SATB1: variants seen among roughly 807,000 people sequenced by gnomAD.
SATB1 encodes SATB homeobox 1, also known as DNA-binding protein SATB1.
SATB1 carries 11 observed loss-of-function variants against 86.9 expected under a neutral mutation model. The observed-to-expected ratio is 0.13, with a 90% CI of 0.08 to 0.21. The LOEUF is 0.21. SATB1 is among the 10% of genes least tolerant of loss of function. The pLI, the probability that SATB1 is intolerant of heterozygous loss-of-function variation, is 1.00. For missense variants in SATB1, 551 were observed against 937.6 expected (o/e 0.59, Z 5.39); for synonymous variants, 357 against 357.2 (o/e 1.00, Z 0.01).
intron 9 of SATB1, among the ~76,000 whole-genome samples, chr3:18,355,645 A>C (rs939085731): frequency 2.6e-5 from 4 of 151,940 alleles, no homozygotes; most frequent in Non-Finnish European, 5.9e-5. Flanking sequence ...TTGTTGCAAA[A>C]AGACAAAAAA....
chr3:18,408,071 C>T (rs1323334729), intron 5 of SATB1, among the ~76,000 whole-genome samples: 3 of 152,034 alleles, frequency 2.0e-5, no homozygotes, highest in Non-Finnish European at 2.9e-5. Context: ...CTTTTCTTAA[C>T]TTCCAACCTA....
intron 5 of SATB1, among the ~76,000 whole-genome samples, chr3:18,401,798 C>A (rs868573969): frequency 1.3e-5 from 2 of 152,226 alleles, no homozygotes; most frequent in Middle Eastern, 6.8e-3. Flanking sequence ...CCATAAAGCA[C>A]ATGTCTACTC....
At chr3:18,445,363 C>G (rs2125218096) in intron 1 of SATB1, 1 of 855,108 alleles carries the variant, frequency 1.2e-6, no homozygotes, top group Non-Finnish European at 1.4e-6. Flanking sequence ...GTGTGGGGGG[C>G]GGCGGGCCGG....
At chr3:18,351,603 A>G (rs970063590) in intron 10 of SATB1, 1 of 560,558 alleles carries the variant, frequency 1.8e-6, no homozygotes, top group South Asian at 2.3e-5. Context: ...CTTTACAGCA[A>G]CAGCGGTTGC....
At chr3:18,422,379 A>G (rs1698437283) in intron 1 of SATB1, among the ~76,000 whole-genome samples, 1 of 152,198 alleles carries the variant, frequency 6.6e-6, no homozygotes, top group East Asian at 1.9e-4. Flanking sequence ...TTAATCTGGA[A>G]GTTTAAAAGC....
At chr3:18,438,509 T>G (rs893635630) in intron 1 of SATB1, 1 of 152,242 alleles carries the variant, frequency 6.6e-6, no homozygotes, top group Non-Finnish European at 1.5e-5. Context: ...TCTGTCACTG[T>G]GGCTGGAGTC....
At chr3:18,369,083 TA>T (rs988826681) in intron 9 of SATB1, among the ~76,000 whole-genome samples, 160 of 151,534 alleles carry the variant, frequency 1.1e-3, no homozygotes, top group African/African-American at 3.7e-3. Context: ...CTCCATGAAA[TA>T]AAGTTCCTAA....
upstream of SATB1, among the ~76,000 whole-genome samples, chr3:18,439,609 G>T (rs1296399678): frequency 1.3e-5 from 2 of 152,100 alleles, no homozygotes; most frequent in Admixed American, 6.5e-5. Context: ...TTTTTCTTCA[G>T]TGTAGTGAAG....
At chr3:18,399,567 T>C (rs1459626668) in intron 5 of SATB1, among the ~76,000 whole-genome samples, 1 of 152,226 alleles carries the variant, frequency 6.6e-6, no homozygotes, top group African/African-American at 2.4e-5. Flanking sequence ...TATTCGTACA[T>C]GGAAAATAAT....
intron 5 of SATB1, among the ~76,000 whole-genome samples, chr3:18,397,578 T>C (rs945882027): frequency 5.9e-5 from 9 of 152,204 alleles, no homozygotes; most frequent in African/African-American, 2.2e-4. Flanking sequence ...ATTACTAGGC[T>C]GTCAAACTCA....
Position 18,369,714 on chromosome 3 carries a change from G to C in SATB1, c.1575+8456C>G, listed in dbSNP as rs1209829476. Among the ~76,000 whole-genome samples the C allele has an allele frequency of 3.3e-5, 5 of 152,230 alleles. No individual in the cohort carries two copies. In the South Asian group the frequency reaches 8.3e-4, roughly 25 times the overall value. ...GTGCCACATTAGCTGTAAGGGATGG[G>C]GGGGTGGGAGGAAAAAGGAGGAGGA... is the stretch of plus-strand genomic sequence containing the variant. On this transcript the variant is annotated intron_variant, in intron 9 of 10. Transcript: ENST00000338745.
chr3:18,347,099 A>C lies in SATB1; in HGVS notation c.*2071T>G, dbSNP rs1318519570. The C allele has an allele frequency of 8.7e-6, 1 of 114,988 alleles. No individual in the cohort carries two copies. Among genetic ancestry groups the C allele is most frequent in the Non-Finnish European group, 2.1e-5 (1 of 48,146 alleles). The allele number at this position is 114,988 out of a possible 1,614,324, so 7.1% of individuals were successfully genotyped here. On this transcript the variant is annotated 3_prime_UTR_variant, in exon 11 of 11. Coordinates refer to ENST00000338745, the MANE Select transcript of SATB1 (RefSeq NM_002971.6). ...TTTATTGAAAGTTTTCAATGATTCC[A>C]CTTCAGTTTCTAAAGTACAAGTTCA...
chr3:18,423,223 G>C (rs547767086), intron 1 of SATB1, among the ~76,000 whole-genome samples: 129 of 152,278 alleles, frequency 8.5e-4, no homozygotes, highest in African/African-American at 3.0e-3. Flanking sequence ...TTAGTGCAAT[G>C]TCTGGTTGCC....
chr3:18,422,657 C>A (rs965927491), intron 1 of SATB1, among the ~76,000 whole-genome samples: 8 of 152,194 alleles, frequency 5.3e-5, no homozygotes, highest in African/African-American at 1.7e-4. Context: ...CTCTTTATAA[C>A]GTTTCATGTG....
chr3:18,362,197 T>C (rs2125149089), intron 9 of SATB1, among the ~76,000 whole-genome samples: 1 of 152,170 alleles, frequency 6.6e-6, no homozygotes, highest in East Asian at 1.9e-4. Context: ...ATAATCTAAT[T>C]CTGATGGCCT....
rs533932527 is a variant in SATB1, at chr3:18,393,232, A to T, written c.1206+1230T>A. Among the ~76,000 whole-genome samples the T allele has an allele frequency of 3.3e-5, 5 of 152,334 alleles. No homozygotes were observed. The South Asian group carries it at 1.0e-3, about 32-fold the overall frequency. On this transcript the variant is annotated intron_variant, in intron 7 of 10. Transcript: ENST00000338745. Reference sequence around the variant, plus strand: ...TGTGAGTCAGGTCAAAAAATAAGATAAATTGACAAAAGAAAGAACAGTGGT... The same window carrying T: ...TGTGAGTCAGGTCAAAAAATAAGATTAATTGACAAAAGAAAGAACAGTGGT...
intron 5 of SATB1, 61 bp downstream of exon 5, chr3:18,415,050 C>T: frequency 6.3e-7 from 1 of 1,591,736 alleles, no homozygotes; most frequent in Non-Finnish European, 8.6e-7. Context: ...GGAGCTCCAT[C>T]AAACCTCAAA....
Position 18,375,607 on chromosome 3 carries a change from T to G in SATB1, c.1575+2563A>C, listed in dbSNP as rs185080832. 3.5e-4 allele frequency among the ~76,000 whole-genome samples: 54 copies of G among 152,316 alleles called. No homozygotes were observed. In the East Asian group the frequency reaches 9.8e-3, roughly 28 times the overall value. Reference sequence around the variant, plus strand: ...AGGTCAGTCTGATTTGAAGGGTTTTTTTGTTGTTGTTGTTAGTTTTTCTGT... The same window carrying G: ...AGGTCAGTCTGATTTGAAGGGTTTTGTTGTTGTTGTTGTTAGTTTTTCTGT... On this transcript the variant is annotated intron_variant, in intron 9 of 10. Coordinates refer to ENST00000338745, the MANE Select transcript of SATB1 (RefSeq NM_002971.6).
At chr3:18,432,565 G>A (rs1382160272) in intron 2 of SATB1, among the ~76,000 whole-genome samples, 2 of 152,114 alleles carry the variant, frequency 1.3e-5, no homozygotes, top group African/African-American at 4.8e-5. Context: ...AGAAACAAAT[G>A]CTTCACACCT....
Sources: allele counts gnomAD v4.1 joint callset (sites outside exome capture counted in the v4.1 genomes callset), GRCh38; gene constraint gnomAD v4.1.1; transcripts MANE v1.5; gene names NCBI Gene and HGNC (gene_info 2026-07-23, HGNC 2026-07-21).